Variants in PSIP1 observed in about 807,000 individuals in gnomAD.
PSIP1 encodes the protein PC4 and SFRS1-interacting protein.
In PSIP1, 19 loss-of-function variants were observed where a neutral mutation model predicts 74.7. The observed-to-expected ratio is 0.25, with a 90% confidence interval of 0.18 to 0.37. The LOEUF (loss-of-function observed/expected upper bound fraction) is 0.37. PSIP1 is among the 10% of genes least tolerant of loss of function. PSIP1 has a pLI of 1.00. For missense variants in PSIP1, 601 were observed against 614.3 expected (o/e 0.98, Z 0.23); for synonymous variants, 222 against 195.3 (o/e 1.14, Z -1.14).
At chr9:15,501,441 G>A (rs76963301) in intron 3 of PSIP1, among the ~76,000 whole-genome samples, 13,018 of 151,802 alleles carry the variant, frequency 0.086, 907 homozygotes, top group African/African-American at 0.19. Flanking sequence ...AAATAAACAC[G>A]AGGAGGAGGA....
At chr9:15,510,042 A>G in intron 2 of PSIP1, 75 bp downstream of exon 2, 2 of 1,413,886 alleles carry the variant, frequency 1.4e-6, no homozygotes, top group South Asian at 1.3e-5. Context: ...AAGAAAAAAT[A>G]AAGAGACACG....
rs1258482647 is a variant in PSIP1, at chr9:15,510,965, G to C, written c.-290C>G. ...CCGCCGCTGCCGCCGCCGTAGCTGC[G>C]CTGCTCCCGCGCGGCTCCCGCTCGG... On this transcript the variant is annotated 5_prime_UTR_variant, in exon 1 of 16. Transcript: ENST00000380733. 6.5e-6 allele frequency: 1 copy of C among 152,866 alleles called. No homozygotes were observed. The highest frequency in any genetic ancestry group is 1.5e-5 in the Non-Finnish European group (1 of 68,312). 9.5% of individuals were successfully genotyped at this position (152,866 alleles called of 1,614,324 possible).
At chr9:15,492,586 C>A (rs1205069280) in intron 3 of PSIP1, among the ~76,000 whole-genome samples, 1 of 152,138 alleles carries the variant, frequency 6.6e-6, no homozygotes, top group Non-Finnish European at 1.5e-5. Flanking sequence ...GGATGGTGGC[C>A]TTCTTCTCAC....
intron 3 of PSIP1, among the ~76,000 whole-genome samples, chr9:15,490,682 CAAAA>C (rs869054621): frequency 1.9e-4 from 11 of 57,316 alleles, no homozygotes; most frequent in African/African-American, 5.9e-4. Context: ...GACTCTGTCT[CAAAA>C]AAAAAAAAAA....
At chr9:15,501,868 A>ATATATATATATATATATATATAT (rs1563897855) in intron 3 of PSIP1, among the ~76,000 whole-genome samples, 1 of 110,418 alleles carries the variant, frequency 9.1e-6, no homozygotes, top group African/African-American at 5.5e-5. Context: ...TATATATATA[A>ATATATATATATATATATATATAT]AACGCACACC....
intron 6 of PSIP1, among the ~76,000 whole-genome samples, chr9:15,480,478 A>G (rs2132090003): frequency 6.6e-6 from 1 of 152,362 alleles, no homozygotes; most frequent in East Asian, 1.9e-4. Context: ...CTTTTCATCA[A>G]TGATTTGTAA....
chr9:15,492,406 C>CA (rs1356592249), intron 3 of PSIP1, among the ~76,000 whole-genome samples: 1 of 152,230 alleles, frequency 6.6e-6, no homozygotes, highest in Non-Finnish European at 1.5e-5. Flanking sequence ...GACTGCATGT[C>CA]TCAAATTCAG....
rs570359915 is a variant in PSIP1, at chr9:15,467,118, T to C, written c.1421-259A>G. Among the ~76,000 whole-genome samples the C allele has an allele frequency of 2.6e-5, 4 of 152,306 alleles. No individual in the cohort carries two copies. The East Asian group carries it at 7.7e-4, about 29-fold the overall frequency. ...CACCATAAAAAGCAGGTTAACTATC[T>C]ATGAGTACAGGAAGTGGATTATTAA... is the stretch of plus-strand genomic sequence containing the variant. On this transcript the variant is annotated intron_variant, in intron 14 of 15. Coordinates refer to ENST00000380733, the MANE Select transcript of PSIP1 (RefSeq NM_033222.5).
chr9:15,488,221 A>G (rs1363059737), intron 4 of PSIP1, among the ~76,000 whole-genome samples: 1 of 151,930 alleles, frequency 6.6e-6, no homozygotes, highest in African/African-American at 2.4e-5. Flanking sequence ...AATCCCAGCT[A>G]CTCAGGAGGC....
At chr9:15,465,676 A>T (rs1587444968) in intron 15 of PSIP1, 96 bp from the exon 16 acceptor site, 1 of 1,007,650 alleles carries the variant, frequency 9.9e-7, no homozygotes, top group Non-Finnish European at 1.5e-6. Context: ...TAAACCCATG[A>T]AAAGACTGAA....
chr9:15,482,573 T>C (rs1344322688), intron 6 of PSIP1, among the ~76,000 whole-genome samples: 1 of 152,130 alleles, frequency 6.6e-6, no homozygotes, highest in Non-Finnish European at 1.5e-5. Flanking sequence ...GAAACATCCA[T>C]CTCCTCCTTG....
At chr9:15,494,394 C>T (rs185494414) in intron 3 of PSIP1, among the ~76,000 whole-genome samples, 263 of 151,738 alleles carry the variant, frequency 1.7e-3, no homozygotes, top group Non-Finnish European at 1.5e-3. Flanking sequence ...GGCAAAATGC[C>T]GTCTCTACTA....
chr9:15,471,119 A>G (rs746354017), intron 10 of PSIP1: 17 of 1,599,096 alleles, frequency 1.1e-5, no homozygotes, highest in Non-Finnish European at 1.4e-5. Flanking sequence ...AGTCTGTATC[A>G]AGATCTTCAT....
chr9:15,509,044 C>A (rs1334301038), intron 2 of PSIP1, among the ~76,000 whole-genome samples: 1 of 152,206 alleles, frequency 6.6e-6, no homozygotes, highest in African/African-American at 2.4e-5. Flanking sequence ...GAACAGTGAT[C>A]GTTTTACACT....
intron 7 of PSIP1, among the ~76,000 whole-genome samples, chr9:15,478,894 ATTAC>A (rs906442044): frequency 2.0e-5 from 3 of 152,070 alleles, no homozygotes; most frequent in East Asian, 1.9e-4. Flanking sequence ...TACATATTAT[ATTAC>A]TTATGCAGTT....
At chr9:15,509,223 G>A (rs551875343) in intron 2 of PSIP1, among the ~76,000 whole-genome samples, 64 of 152,284 alleles carry the variant, frequency 4.2e-4, no homozygotes, top group African/African-American at 1.5e-3. Context: ...TAAAACTTCA[G>A]AACCCCATGT....
intron 7 of PSIP1, 113 bp from the exon 8 acceptor site, chr9:15,478,665 TA>T (rs1399423647): frequency 1.4e-6 from 1 of 692,358 alleles, no homozygotes; most frequent in Non-Finnish European, 2.4e-6. Context: ...AGTAGCTTAT[TA>T]CAGATACAAT....
chr9:15,467,154 C>T (rs1160668344), intron 14 of PSIP1, among the ~76,000 whole-genome samples: 3 of 152,134 alleles, frequency 2.0e-5, no homozygotes, highest in Non-Finnish European at 4.4e-5. Flanking sequence ...TCTGATTATT[C>T]TGGTTGTTAC....
At chr9:15,465,617 A>T in intron 15 of PSIP1, 37 bp from the exon 16 acceptor site, 1 of 1,488,714 alleles carries the variant, frequency 6.7e-7, no homozygotes, top group Admixed American at 2.0e-5. Context: ...TGGAATTAGG[A>T]TTTTCTCCTG....
Sources: allele counts gnomAD v4.1 joint callset (sites outside exome capture counted in the v4.1 genomes callset), GRCh38; gene constraint gnomAD v4.1.1; transcripts MANE v1.5; gene names NCBI Gene and HGNC (gene_info 2026-07-23, HGNC 2026-07-21).